TASP1: variants seen among roughly 807,000 people sequenced by gnomAD.
The protein encoded by TASP1 is taspase 1.
In TASP1, 16 loss-of-function variants were observed where a neutral mutation model predicts 56.6. The observed-to-expected ratio is 0.28, with a 90% CI of 0.19 to 0.43. TASP1 has a LOEUF of 0.43. TASP1 is among the 20% of genes least tolerant of loss of function. The pLI is 1.00. For synonymous variants in TASP1, 179 were observed against 184.2 expected (o/e 0.97, Z 0.23); for missense variants, 393 against 511.6 (o/e 0.77, Z 2.24).
At chr20:13,390,514 T>C (rs2123555116) in intron 13 of TASP1, 62 bp from the exon 14 acceptor site, 1 of 1,472,968 alleles carries the variant, frequency 6.8e-7, no homozygotes, top group Non-Finnish European at 9.4e-7. Flanking sequence ...GCCACACCCC[T>C]ACCCGTGTCC....
At chr20:13,314,497 A>G in the TASP1 span, among the ~76,000 whole-genome samples, 1 of 152,104 alleles carries the variant, frequency 6.6e-6, no homozygotes, top group South Asian at 2.1e-4. Flanking sequence ...AGAGAGAGAA[A>G]AAAAACCACC....
intron 12 of TASP1, among the ~76,000 whole-genome samples, chr20:13,432,307 C>G (rs776745707): frequency 2.0e-5 from 3 of 152,146 alleles, no homozygotes; most frequent in Admixed American, 6.5e-5. Context: ...ACTGACTAAT[C>G]AAGAAATAGA....
At chr20:13,107,081 A>G in the TASP1 span, among the ~76,000 whole-genome samples, 4 of 152,314 alleles carry the variant, frequency 2.6e-5, no homozygotes, top group Admixed American at 6.5e-5. Flanking sequence ...GGTAAGAAAA[A>G]CATTATATCG....
chr20:13,226,217 T>C, the TASP1 span, among the ~76,000 whole-genome samples: 1 of 152,250 alleles, frequency 6.6e-6, no homozygotes, highest in African/African-American at 2.4e-5. Context: ...CTTTTATCCC[T>C]TTATTGCCTT....
At chr20:13,131,827 C>T in the TASP1 span, among the ~76,000 whole-genome samples, 19 of 152,228 alleles carry the variant, frequency 1.2e-4, no homozygotes, top group Admixed American at 1.3e-4. Context: ...ATGTCACTTC[C>T]CCACTGAGAA....
the TASP1 span, among the ~76,000 whole-genome samples, chr20:13,376,607 C>G: frequency 6.6e-6 from 1 of 151,914 alleles, no homozygotes; most frequent in Admixed American, 6.6e-5. Context: ...TTTTCTAATT[C>G]TGTGAATAAA....
chr20:13,455,716 A>G (rs1344108390), intron 11 of TASP1, among the ~76,000 whole-genome samples: 1 of 152,176 alleles, frequency 6.6e-6, no homozygotes, highest in East Asian at 1.9e-4. Flanking sequence ...CCCTGATTAC[A>G]GAGGACTGAC....
chr20:13,351,396 T>C, the TASP1 span, among the ~76,000 whole-genome samples: 1 of 152,214 alleles, frequency 6.6e-6, no homozygotes, highest in Non-Finnish European at 1.5e-5. Context: ...AGCATCTGTA[T>C]TAATAAATTT....
Position 13,565,045 on chromosome 20 carries a change from C to T in TASP1, c.568+4462G>A, listed in dbSNP as rs573375714. 4.0e-5 allele frequency among the ~76,000 whole-genome samples: 6 copies of T among 151,546 alleles called. No homozygotes were observed. In the East Asian group the frequency reaches 1.2e-3, roughly 29 times the overall value. On this transcript the variant is annotated intron_variant, in intron 7 of 13. Transcript: ENST00000337743. ...AAAAAATATGGAAATGGCATAAAGG[C>T]CATTACACAGAAAAATGCAATAGAT...
chr20:13,631,668 G>A (rs555850859), intron 1 of TASP1, among the ~76,000 whole-genome samples: 8 of 152,304 alleles, frequency 5.3e-5, no homozygotes, highest in Admixed American at 2.0e-4. Context: ...CAGCTAAAAC[G>A]AAAACACATC....
At chr20:13,449,913 G>A (rs2043552852) in intron 11 of TASP1, among the ~76,000 whole-genome samples, 3 of 152,028 alleles carry the variant, frequency 2.0e-5, no homozygotes, top group Admixed American at 2.0e-4. Flanking sequence ...CAACATATCA[G>A]TGCAATGATA....
chr20:13,543,964 T>C (rs1426410390), intron 8 of TASP1, among the ~76,000 whole-genome samples: 2 of 152,202 alleles, frequency 1.3e-5, no homozygotes, highest in East Asian at 3.9e-4. Context: ...TTAAATGAGT[T>C]TGTTCCCAAA....
chr20:13,590,206 C>T (rs956817249), intron 4 of TASP1, among the ~76,000 whole-genome samples: 3 of 152,162 alleles, frequency 2.0e-5, no homozygotes, highest in African/African-American at 7.2e-5. Context: ...TGCACTCCAG[C>T]CTGGGTGACA....
the TASP1 span, among the ~76,000 whole-genome samples, chr20:13,208,369 GAATTAACT>G: frequency 6.6e-6 from 1 of 152,226 alleles, no homozygotes; most frequent in Middle Eastern, 3.4e-3. Flanking sequence ...AGCTGAAATT[GAATTAACT>G]AAGTTGAAAT....
chr20:13,479,829 G>A (rs2043075382), intron 11 of TASP1, among the ~76,000 whole-genome samples: 3 of 152,140 alleles, frequency 2.0e-5, no homozygotes. Flanking sequence ...TTTGGCTTGT[G>A]AACTAAACCA....
chr20:13,485,328 G>T (rs545906072), intron 10 of TASP1, among the ~76,000 whole-genome samples: 2 of 152,086 alleles, frequency 1.3e-5, no homozygotes, highest in Admixed American at 1.3e-4. Context: ...GTTGGAAATG[G>T]ATGTTTTAAG....
the TASP1 span, among the ~76,000 whole-genome samples, chr20:13,345,649 G>A: frequency 6.6e-6 from 1 of 152,206 alleles, no homozygotes; most frequent in Non-Finnish European, 1.5e-5. Context: ...CTGGTACCCT[G>A]TAGAACAGAG....
chr20:13,398,728 C>T (rs1568747380), intron 13 of TASP1, among the ~76,000 whole-genome samples: 1 of 152,206 alleles, frequency 6.6e-6, no homozygotes, highest in Non-Finnish European at 1.5e-5. Flanking sequence ...TTTTCTTCCA[C>T]TCATTTTAAA....
intron 10 of TASP1, among the ~76,000 whole-genome samples, chr20:13,511,338 T>A (rs761854133): frequency 1.3e-5 from 2 of 152,124 alleles, no homozygotes; most frequent in African/African-American, 2.4e-5. Context: ...ACCAGGTCCT[T>A]GATGTCATCA....
Sources: allele counts gnomAD v4.1 joint callset (sites outside exome capture counted in the v4.1 genomes callset), GRCh38; gene constraint gnomAD v4.1.1; transcripts MANE v1.5; gene names NCBI Gene and HGNC (gene_info 2026-07-23, HGNC 2026-07-21).